EYS: variants seen among roughly 807,000 people sequenced by gnomAD.
The protein encoded by EYS is EGF-like photoreceptor maintenance factor.
EYS carries 250 observed loss-of-function variants against 282.1 expected under a neutral mutation model. That is an observed-to-expected ratio of 0.89 (90% CI 0.80 to 0.98). EYS has a LOEUF of 0.98. Among genes scored for constraint, EYS ranks in the 50% least tolerant of loss-of-function variants. The pLI, the probability that EYS is intolerant of heterozygous loss-of-function variation, is 0.00. For missense variants in EYS, 4,016 were observed against 3,709.0 expected (o/e 1.08, Z -2.15); for synonymous variants, 1,355 against 1,282.9 (o/e 1.06, Z -1.20).
intron 10 of EYS, among the ~76,000 whole-genome samples, chr6:65,337,277 C>G (rs916059393): frequency 6.6e-6 from 1 of 151,454 alleles, no homozygotes; most frequent in African/African-American, 2.4e-5. Flanking sequence ...TGCCCCAAGT[C>G]TAAAATATTA....
At chr6:65,520,650 G>C (rs1286687795) in intron 2 of EYS, among the ~76,000 whole-genome samples, 1 of 151,494 alleles carries the variant, frequency 6.6e-6, no homozygotes, top group African/African-American at 2.4e-5. Flanking sequence ...ACATATATCA[G>C]AGGAATATAA....
At chr6:65,329,315 A>C (rs2150309972) in intron 11 of EYS, 1 of 822,308 alleles carries the variant, frequency 1.2e-6, no homozygotes, top group South Asian at 5.6e-5. Flanking sequence ...TTGTTATAAT[A>C]ATTTTGGTAT....
intron 24 of EYS, among the ~76,000 whole-genome samples, chr6:64,604,121 TTAGAATAATTCATC>T (rs1342801284): frequency 6.6e-6 from 1 of 151,962 alleles, no homozygotes; most frequent in Non-Finnish European, 1.5e-5. Flanking sequence ...TTCTCTTGGT[TTAGAATAATTCATC>T]TATAATGGCT....
intron 18 of EYS, among the ~76,000 whole-genome samples, chr6:64,895,394 T>C (rs9354189): frequency 0.096 from 14,599 of 152,228 alleles, 897 homozygotes; most frequent in East Asian, 0.32. Flanking sequence ...TAAATAGATA[T>C]CAATTTTTCT....
chr6:64,232,997 T>C (rs900474734), intron 30 of EYS, among the ~76,000 whole-genome samples: 7 of 152,204 alleles, frequency 4.6e-5, no homozygotes, highest in Non-Finnish European at 1.0e-4. Context: ...AATTTTTAGT[T>C]TTAATGTTTC....
At chr6:65,272,147 A>G (rs1012774646) in intron 12 of EYS, among the ~76,000 whole-genome samples, 1 of 152,152 alleles carries the variant, frequency 6.6e-6, no homozygotes, top group African/African-American at 2.4e-5. Context: ...TAAATTTGAG[A>G]CAAATATTCA....
intron 31 of EYS, among the ~76,000 whole-genome samples, chr6:64,127,967 A>G (rs945722912): frequency 6.6e-6 from 1 of 152,162 alleles, no homozygotes; most frequent in African/African-American, 2.4e-5. Flanking sequence ...AACACCAGAA[A>G]TTTAACAAAT....
At chr6:65,666,736 T>C (rs1241177413) in intron 1 of EYS, among the ~76,000 whole-genome samples, 1 of 151,488 alleles carries the variant, frequency 6.6e-6, no homozygotes, top group Non-Finnish European at 1.5e-5. Context: ...ATAGAAACCA[T>C]ATGTGAAAAT....
At chr6:64,643,117 C>A (rs1582988966) in intron 22 of EYS, among the ~76,000 whole-genome samples, 5 of 118,148 alleles carry the variant, frequency 4.2e-5, no homozygotes, top group African/African-American at 1.3e-4. Flanking sequence ...CTCCATCCCC[C>A]CCCCCAAAAA....
At chr6:64,884,678 G>A (rs985756636) in intron 19 of EYS, among the ~76,000 whole-genome samples, 5 of 151,532 alleles carry the variant, frequency 3.3e-5, no homozygotes, top group Admixed American at 2.0e-4. Flanking sequence ...CAATTTGAAT[G>A]TCAAAAGAGT....
rs1769208183 is a variant in EYS at position 65,313,212 on chromosome 6, G to C, written c.1767-17093C>G. ...CGGGGCCTATTCTTGTACCTCTTCT[G>C]TCTTTCTTTGGGTACTTTCATTCAC... On this transcript the variant is annotated intron_variant, in intron 11 of 42. Coordinates refer to ENST00000503581, the MANE Select transcript of EYS (RefSeq NM_001142800.2). Among the ~76,000 whole-genome samples, 4 of 151,982 alleles carry C rather than the reference G, an allele frequency of 2.6e-5. No homozygotes were observed. In the South Asian group the frequency reaches 8.3e-4, roughly 32 times the overall value.
intron 36 of EYS, chr6:63,822,091 T>C (rs916433983): frequency 1.3e-5 from 2 of 152,218 alleles, no homozygotes; most frequent in Admixed American, 1.3e-4. Context: ...CAGTCCGAAA[T>C]GTGGAAGGAA....
chr6:65,694,570 T>C (rs1461075980), intron 1 of EYS, among the ~76,000 whole-genome samples: 1 of 149,980 alleles, frequency 6.7e-6, no homozygotes, highest in African/African-American at 2.4e-5. Context: ...TAGAAGAGGC[T>C]CAGGTAACTA....
chr6:64,449,679 A>G (rs1775249184), intron 26 of EYS, among the ~76,000 whole-genome samples: 2 of 152,250 alleles, frequency 1.3e-5, no homozygotes, highest in Admixed American at 1.3e-4. Context: ...TCTACAAGCC[A>G]GAAGAGAGTG....
chr6:64,496,971 A>G (rs900157248), intron 26 of EYS, among the ~76,000 whole-genome samples: 2 of 152,060 alleles, frequency 1.3e-5, no homozygotes, highest in African/African-American at 2.4e-5. Context: ...GAATTATGGA[A>G]GTGAATTATT....
At chr6:64,528,063 A>G (rs1044944974) in intron 26 of EYS, among the ~76,000 whole-genome samples, 1 of 151,932 alleles carries the variant, frequency 6.6e-6, no homozygotes, top group African/African-American at 2.4e-5. Context: ...TCTGTAGAAA[A>G]TTAGGTCATA....
chr6:64,887,837 A>AG (rs1208653616), intron 18 of EYS, among the ~76,000 whole-genome samples: 4 of 152,102 alleles, frequency 2.6e-5, no homozygotes, highest in Non-Finnish European at 4.4e-5. Context: ...CAATTGAGAC[A>AG]GGTCCTGTTA....
intron 8 of EYS, among the ~76,000 whole-genome samples, chr6:65,377,579 T>A (rs1340798638): frequency 6.6e-6 from 1 of 151,760 alleles, no homozygotes; most frequent in Non-Finnish European, 1.5e-5. Flanking sequence ...AATCATTGAA[T>A]CAAGGAGCTG....
intron 31 of EYS, among the ~76,000 whole-genome samples, chr6:64,090,471 T>C (rs1036520508): frequency 6.6e-6 from 1 of 152,176 alleles, no homozygotes; most frequent in Non-Finnish European, 1.5e-5. Flanking sequence ...ATACCTTTCT[T>C]GTTATCAACA....
Sources: gnomAD v4.1 joint callset for allele counts (sites outside exome capture counted in the v4.1 genomes callset) on GRCh38, gnomAD v4.1.1 for gene constraint, MANE v1.5 for transcripts, NCBI Gene and HGNC (gene_info 2026-07-23, HGNC 2026-07-21) for gene names.